Variants in CATIP observed in about 807,000 individuals in gnomAD.
CATIP encodes the protein ciliogenesis-associated TTC17-interacting protein.
In CATIP, 40 loss-of-function variants were observed where a neutral mutation model predicts 42.5. The ratio of observed to expected loss-of-function variants is 0.94; its 90% confidence interval spans 0.73 to 1.22. CATIP has a LOEUF of 1.22. Among genes scored for constraint, CATIP ranks in the 50% most tolerant of loss-of-function variants. The pLI is 0.00. For synonymous variants in CATIP, 222 were observed against 200.2 expected, an observed-to-expected ratio of 1.11 and a Z score of -0.92; for missense variants, 489 against 496.0, an observed-to-expected ratio of 0.99 and a Z score of 0.13.
At chr2:218,366,638 T>C in intron 7 of CATIP, 1 of 315,310 alleles carries the variant, frequency 3.2e-6, no homozygotes, top group Non-Finnish European at 6.2e-6. Context: ...CTGCTTAGGC[T>C]GCCATAACAA....
At chr2:218,359,105 G>A (rs555657847) in intron 4 of CATIP, among the ~76,000 whole-genome samples, 21 of 151,988 alleles carry the variant, frequency 1.4e-4, no homozygotes, top group African/African-American at 3.9e-4. Context: ...TTGGGATGCC[G>A]AGGCAGGTGG....
At chr2:218,358,781 G>T (rs1164134325) in intron 4 of CATIP, among the ~76,000 whole-genome samples, 1 of 151,754 alleles carries the variant, frequency 6.6e-6, no homozygotes, top group Non-Finnish European at 1.5e-5. Flanking sequence ...CTACTTGGGA[G>T]GCTGAGGTGG....
chr2:218,357,220 G>T lies in CATIP; in HGVS notation c.118+33G>T, dbSNP rs754539806. Reference sequence around the variant, plus strand: ...CAGACAGTGTCGGGGTTGGGGGTGCGGGAGGGGTGCAAGTCTGGAGAGGAG... The same window carrying T: ...CAGACAGTGTCGGGGTTGGGGGTGCTGGAGGGGTGCAAGTCTGGAGAGGAG... On this transcript the variant is annotated intron_variant, in intron 2 of 9. Transcript: ENST00000289388. 3.3e-6 allele frequency: 5 copies of T among 1,531,258 alleles called. No homozygotes were observed. In the East Asian group the frequency reaches 1.1e-4, roughly 35 times the overall value. The allele number at this position is 1,531,258 out of a possible 1,614,324, so 94.9% of individuals were successfully genotyped here. A position where few individuals can be genotyped will look rare whatever the true frequency, so the allele number is the denominator to read the frequency against.
Position 218,357,128 on chromosome 2 carries a change from C to T in CATIP, c.59C>T (p.Pro20Leu), listed in dbSNP as rs568069255. Residue 20 changes from proline to leucine, a missense_variant, in exon 2 of 10, where the codon CCG (proline) becomes CTG (leucine). Pro to Leu is a moderately conservative substitution (Grantham distance 98). Coordinates refer to ENST00000289388, the MANE Select transcript of CATIP (RefSeq NM_198559.2). Reference sequence around the variant, plus strand: ...GCTAAGGACCACCAGCCCTCGGGTCCGGAGTGTCTGCCACTCCCAGAGGCC... The same window carrying T: ...GCTAAGGACCACCAGCCCTCGGGTCTGGAGTGTCTGCCACTCCCAGAGGCC... ...SRAKDHQPSG[P>L]ECLPLPEANA... is the part of the protein sequence containing the mutation. 12 of 1,613,842 alleles carry T rather than the reference C, an allele frequency of 7.4e-6. No individual in the cohort carries two copies. In the African/African-American group the frequency reaches 8.0e-5, roughly 11 times the overall value.
rs1167093822 is a variant in CATIP at position 218,362,682 on chromosome 2, G to A, written c.463-53G>A. On this transcript the variant is annotated intron_variant, in intron 5 of 9. Coordinates refer to ENST00000289388, the MANE Select transcript of CATIP (RefSeq NM_198559.2). The stretch of plus-strand genomic sequence containing the variant: ...CAACACCTGGCTTGCCCACCCTCCT[G>A]TCCCCTGCCCCTTCCTGGTTCCAGG... 6.4e-6 allele frequency: 10 copies of A among 1,568,934 alleles called. No individual in the cohort carries two copies. The Admixed American group carries it at 1.4e-4, about 22-fold the overall frequency.
intron 7 of CATIP, chr2:218,365,454 G>A (rs1469267064): frequency 6.6e-6 from 1 of 151,152 alleles, no homozygotes; most frequent in African/African-American, 2.5e-5. Context: ...GTGGAAGAAA[G>A]AGTTTCTTTC....
intron 5 of CATIP, among the ~76,000 whole-genome samples, chr2:218,360,992 G>T (rs1316351930): frequency 6.6e-6 from 1 of 151,462 alleles, no homozygotes; most frequent in African/African-American, 2.4e-5. Flanking sequence ...CACCACGCCC[G>T]GCTAATTCTG....
Position 218,357,963 on chromosome 2 carries a change from G to T in CATIP, c.320-74G>T. 8 of 1,415,416 alleles carry T rather than the reference G, an allele frequency of 5.7e-6. No individual in the cohort carries two copies. In the South Asian group the frequency reaches 8.0e-5, roughly 14 times the overall value. 87.7% of individuals were successfully genotyped at this position (1,415,416 alleles called of 1,614,324 possible). A position where few individuals can be genotyped will look rare whatever the true frequency, so the allele number is the denominator to read the frequency against. On this transcript the variant is annotated intron_variant, in intron 3 of 9. Transcript: ENST00000289388. ...GTATTACACCTAGTCCTCCAGCTGC[G>T]CCACCACCTTCCCTTCCTTCAGCCT...
At chr2:218,367,195 T>G in intron 8 of CATIP, 95 bp downstream of exon 8, 1 of 970,298 alleles carries the variant, frequency 1.0e-6, no homozygotes, top group Non-Finnish European at 1.6e-6. Flanking sequence ...CCCAGTGTGC[T>G]GTAAACGGGA....
chr2:218,359,364 A>AAAAAAAGGGG (rs1695155999), intron 4 of CATIP, among the ~76,000 whole-genome samples: 1 of 144,674 alleles, frequency 6.9e-6, no homozygotes. Flanking sequence ...AAAAAAAAAA[A>AAAAAAAGGGG]TGTTGGGGAT....
intron 5 of CATIP, among the ~76,000 whole-genome samples, chr2:218,362,217 G>A (rs191758837): frequency 6.6e-6 from 1 of 152,072 alleles, no homozygotes; most frequent in Non-Finnish European, 1.5e-5. Flanking sequence ...GCTGGGCGTA[G>A]TGTCGTGAGC....
In CATIP at chr2:218,367,968, G is replaced by T. The variant is rs1348333935; in HGVS notation, c.*4G>T. On this transcript the variant is annotated 3_prime_UTR_variant, in exon 10 of 10. Coordinates refer to ENST00000289388, the MANE Select transcript of CATIP (RefSeq NM_198559.2). ...CGCCCGCTCGGGGGCGGCCTAAGCG[G>T]GGCCCAGGCCCGGACAGGGCAGGAA... 6.4e-7 allele frequency: 1 copy of T among 1,567,974 alleles called. No homozygotes were observed. Among genetic ancestry groups the T allele is most frequent in the South Asian group, 1.1e-5 (1 of 87,468 alleles).
chr2:218,360,490 T>C, intron 4 of CATIP, 83 bp from the exon 5 acceptor site: 14 of 1,059,988 alleles, frequency 1.3e-5, no homozygotes, highest in Non-Finnish European at 1.9e-5. Context: ...AAACCTCAGT[T>C]TTCTCATTAA....
chr2:218,367,152 A>G (rs756027829), intron 8 of CATIP, 52 bp downstream of exon 8: 1 of 1,412,282 alleles, frequency 7.1e-7, no homozygotes, highest in Non-Finnish European at 9.9e-7. Context: ...GGGAGTGGGG[A>G]AACCTGGGCC....
At position 218,362,904 on chromosome 2, in the gene CATIP, T is replaced by C; in HGVS notation, c.630+2T>C. 2 of 1,609,570 alleles carry C rather than the reference T, an allele frequency of 1.2e-6. No individual in the cohort carries two copies. The highest frequency in any genetic ancestry group is 1.7e-6 in the Non-Finnish European group (2 of 1,177,142). ...GGCAAACTCTGCTATTTGACCTATGTAAGGGGTCCCCTTGGGCAGGGGACT... is the reference window on the plus strand; with the variant it reads ...GGCAAACTCTGCTATTTGACCTATGCAAGGGGTCCCCTTGGGCAGGGGACT... On this transcript the variant is annotated splice_donor_variant, in intron 6 of 9. Coordinates refer to ENST00000289388, the MANE Select transcript of CATIP (RefSeq NM_198559.2). LOFTEE classifies it high-confidence loss of function.
rs549818108 is a variant in CATIP, at chr2:218,365,363, G to A, written c.755+611G>A. The A allele has an allele frequency of 5.9e-5, 9 of 151,454 alleles. No homozygotes were observed. In the East Asian group the frequency reaches 1.5e-3, roughly 26 times the overall value. 9.4% of individuals were successfully genotyped at this position (151,454 alleles called of 1,614,324 possible). On this transcript the variant is annotated intron_variant, in intron 7 of 9. Coordinates refer to ENST00000289388, the MANE Select transcript of CATIP (RefSeq NM_198559.2). ...CAGGAGGCAGAGCTTGCAGTGAGCC[G>A]AGATCGCGCCACTGCACTCCAGCCT...
rs1275418911 is a variant in CATIP at position 218,364,723 on chromosome 2, G to A, written c.726G>A (p.Met242Ile). The A allele has an allele frequency of 1.3e-5, 21 of 1,613,748 alleles. No individual in the cohort carries two copies. Among genetic ancestry groups the A allele is most frequent in the Non-Finnish European group, 1.8e-5 (21 of 1,179,884 alleles). Residue 242 changes from methionine (M) to isoleucine (I), a missense_variant, in exon 7 of 10, where the codon ATG becomes ATA. Met to Ile is a conservative substitution (Grantham distance 10). Coordinates refer to ENST00000289388, the MANE Select transcript of CATIP (RefSeq NM_198559.2). The stretch of plus-strand genomic sequence containing the variant: ...TCCACGCGGAGGAGGGCATCCCCAT[G>A]TCCTGCCAGTACTACCTGCTCTCCG... ...QTVHAEEGIP[M>I]SCQYYLLSDG... is the part of the protein sequence containing the mutation.
At chr2:218,357,285 C>T (rs1465843415) in intron 2 of CATIP, 98 bp downstream of exon 2, 2 of 883,128 alleles carry the variant, frequency 2.3e-6, no homozygotes, top group Non-Finnish European at 3.5e-6. Context: ...CTCTCTCTCT[C>T]TCTCTTCCTT....
Position 218,357,219 on chromosome 2 carries a change from C to T in CATIP, c.118+32C>T, listed in dbSNP as rs764895992. On this transcript the variant is annotated intron_variant, in intron 2 of 9. Transcript: ENST00000289388. Reference sequence around the variant, plus strand: ...TCAGACAGTGTCGGGGTTGGGGGTGCGGGAGGGGTGCAAGTCTGGAGAGGA... The same window carrying T: ...TCAGACAGTGTCGGGGTTGGGGGTGTGGGAGGGGTGCAAGTCTGGAGAGGA... 12 of 1,484,738 alleles carry T rather than the reference C, an allele frequency of 8.1e-6. 1 individual carries two copies. Among genetic ancestry groups the T allele is most frequent in the South Asian group, 3.4e-5 (3 of 87,130 alleles). 92.0% of individuals were successfully genotyped at this position (1,484,738 alleles called of 1,614,324 possible). A position where few individuals can be genotyped will look rare whatever the true frequency, so the allele number is the denominator to read the frequency against.
Sources: gnomAD v4.1 joint callset for allele counts (sites outside exome capture counted in the v4.1 genomes callset) on GRCh38, gnomAD v4.1.1 for gene constraint, MANE v1.5 for transcripts, NCBI Gene and HGNC (gene_info 2026-07-23, HGNC 2026-07-21) for gene names.